The following MAP3K12 variants were observed in gnomAD, a reference collection of about 807,000 sequenced individuals.
The protein encoded by MAP3K12 is MAPK-upstream kinase.
In MAP3K12, 14 loss-of-function variants were observed where a neutral mutation model predicts 87.5. That is an observed-to-expected ratio of 0.16 (90% confidence interval 0.11 to 0.25). The LOEUF (loss-of-function observed/expected upper bound fraction) is 0.25, where lower values mean the gene tolerates loss of function less well. MAP3K12 is among the 10% of genes least tolerant of loss of function. The pLI is 1.00. For missense variants in MAP3K12, 802 were observed against 1,140.4 expected (o/e 0.70, Z 4.27); for synonymous variants, 469 against 452.5 (o/e 1.04, Z -0.46).
chr12:53,498,978 GT>G (rs1943610172), intron 1 of MAP3K12, among the ~76,000 whole-genome samples: 2 of 34,156 alleles, frequency 5.9e-5, no homozygotes, highest in African/African-American at 1.8e-4. Context: ...GTGTGTGTGT[GT>G]GTGTGTGTGT....
At chr12:53,492,088 AAAAGAAG>A (rs1943426363) in intron 1 of MAP3K12, among the ~76,000 whole-genome samples, 3 of 151,478 alleles carry the variant, frequency 2.0e-5, no homozygotes, top group South Asian at 2.1e-4. Context: ...AAAAAAAAAA[AAAAGAAG>A]AAGAAGAAAA....
chr12:53,499,935 G>C (rs1943646263), upstream of MAP3K12: 1 of 152,280 alleles, frequency 6.6e-6, no homozygotes, highest in African/African-American at 2.4e-5. Context: ...CCTCAGTTGG[G>C]ATCCCTAGCG....
intron 1 of MAP3K12, among the ~76,000 whole-genome samples, chr12:53,495,339 C>CAAAAAAAAAAA (rs10647631): frequency 5.2e-5 from 1 of 19,378 alleles, no homozygotes; most frequent in South Asian, 5.2e-3. Context: ...ACTCTGTCTC[C>CAAAAAAAAAAA]AAAAAAAAAA....
chr12:53,489,738 G>A (rs1218891514), intron 1 of MAP3K12, among the ~76,000 whole-genome samples: 1 of 152,126 alleles, frequency 6.6e-6, no homozygotes, highest in Non-Finnish European at 1.5e-5. Context: ...AAGGAGGCTT[G>A]GGAAACTCTG....
At chr12:53,488,593 T>G (rs1387357503) in intron 1 of MAP3K12, among the ~76,000 whole-genome samples, 1 of 151,582 alleles carries the variant, frequency 6.6e-6, no homozygotes, top group Non-Finnish European at 1.5e-5. Context: ...CCCGGGAGGC[T>G]GAGGTTTTGG....
upstream of MAP3K12, chr12:53,500,481 G>A (rs1445449931): frequency 1.3e-5 from 2 of 152,272 alleles, no homozygotes; most frequent in African/African-American, 2.4e-5. Flanking sequence ...GCCAGTTAAA[G>A]AGAGGTTCAC....
In MAP3K12 at chr12:53,479,671, G is replaced by GTTTTTTTTTTTTTGGT. The variant is rs879244280; in HGVS notation, c.*1510_*1511insACCAAAAAAAAAAAAA. ...ATTTAGTTTTATAAGCTTCTCCCTG[G>GTTTTTTTTTTTTTGGT]TTTTTTTTTTTTGGCTCATGAATTT... On this transcript the variant is annotated 3_prime_UTR_variant, in exon 14 of 14. Transcript: ENST00000547488. The GTTTTTTTTTTTTTGGT allele has an allele frequency of 6.3e-5, 13 of 206,800 alleles. No homozygotes were observed. Among genetic ancestry groups the GTTTTTTTTTTTTTGGT allele is most frequent in the African/African-American group, 2.7e-4 (10 of 37,728 alleles). 12.8% of individuals were successfully genotyped at this position (206,800 alleles called of 1,614,324 possible).
rs1303048769 is a variant in MAP3K12 at position 53,487,200 on chromosome 12, G to A, written c.192C>T (p.Ser64=). The stretch of plus-strand genomic sequence containing the variant: ...GGGGCGGCTCTCCACCTGGGGAGGG[G>A]CTGGGCCCTCCCCCACCCTGCCCAC... ...PLGGQGGGGP[S]PSPGGEPPPE... The change falls in exon 2 of 14, where the codon AGC becomes AGT. Residue 64 remains serine (S), a synonymous_variant. Coordinates refer to ENST00000547488, the MANE Select transcript of MAP3K12 (RefSeq NM_001193511.2). The A allele has an allele frequency of 1.2e-6, 2 of 1,613,662 alleles. No individual in the cohort carries two copies. The highest frequency in any genetic ancestry group is 1.7e-6 in the Non-Finnish European group (2 of 1,179,746).
At position 53,486,554 on chromosome 12, in the gene MAP3K12, C is replaced by T; in HGVS notation, c.514G>A (p.Val172Ile). 6.2e-7 allele frequency: 1 copy of T among 1,614,116 alleles called. No individual in the cohort carries two copies. Among genetic ancestry groups the T allele is most frequent in the Non-Finnish European group, 8.5e-7 (1 of 1,179,994 alleles). ...TCCCCGTGGAAGCGCCCCAGGAAGACAGCACCCTGGGCCCCTGAGCCCACC... is the reference window on the plus strand; with the variant it reads ...TCCCCGTGGAAGCGCCCCAGGAAGATAGCACCCTGGGCCCCTGAGCCCACC... Reference protein sequence around the residue: ...QWVGSGAQGAVFLGRFHGEEV... With the variant: ...QWVGSGAQGAIFLGRFHGEEV... Residue 172 changes from valine to isoleucine, a missense_variant, in exon 3 of 14, where the codon GTC (valine) becomes ATC (isoleucine). This residue lies in a region of MAP3K12 where 57 missense variants were observed against 161.8 expected (regional missense o/e 0.35). Coordinates refer to ENST00000547488, the MANE Select transcript of MAP3K12 (RefSeq NM_001193511.2). The surrounding 1 kb of genome is among the most constrained non-coding windows in gnomAD (Gnocchi z 4.9).
chr12:53,483,306 GTATCCCTCT>G (rs1226375377), intron 10 of MAP3K12, 34 bp downstream of exon 10: 1 of 1,603,322 alleles, frequency 6.2e-7, no homozygotes, highest in African/African-American at 1.3e-5. Flanking sequence ...TGCCACTTCA[GTATCCCTCT>G]TGCCATATTG....
At chr12:53,483,848 G>C (rs1943150996) in intron 8 of MAP3K12, 63 bp downstream of exon 8, 1 of 1,609,840 alleles carries the variant, frequency 6.2e-7, no homozygotes, top group Non-Finnish European at 8.5e-7. Context: ...GGCTGGGTAG[G>C]AGCTGACTGG....
chr12:53,486,578 C>A lies in MAP3K12; in HGVS notation c.490G>T (p.Val164Leu). The A allele has an allele frequency of 6.2e-7, 1 of 1,613,058 alleles. No individual in the cohort carries two copies. The highest frequency in any genetic ancestry group is 8.5e-7 in the Non-Finnish European group (1 of 1,179,594). The change falls in exon 3 of 14, where the codon GTG (valine) becomes TTG (leucine). Residue 164 changes from valine (V) to leucine (L), a missense_variant. Coordinates refer to ENST00000547488, the MANE Select transcript of MAP3K12 (RefSeq NM_001193511.2). This position sits in a 1 kb window ranked among gnomAD's most constrained non-coding sequence, Gnocchi z 4.9. ...PFEEILDLQW[V>L]GSGAQGAVFL... ...ACAGCACCCTGGGCCCCTGAGCCCA[C>A]CCACTGCAGGTCCAGGATTTCCTCA...
At position 53,487,254 on chromosome 12, in the gene MAP3K12, C is replaced by T. The variant is rs1163414937; in HGVS notation, c.138G>A (p.Gln46=). The part of the protein sequence containing the change: ...CTPEKDLTPT[Q]CVLRDVVPLG... ...GGGGTACCACATCTCGAAGTACACACTGGGTAGGCGTCAGGTCCTTCTCGG... is the reference window on the plus strand; with the variant it reads ...GGGGTACCACATCTCGAAGTACACATTGGGTAGGCGTCAGGTCCTTCTCGG... The change falls in exon 2 of 14, where the codon CAG becomes CAA. Residue 46 remains glutamine, a synonymous_variant. Transcript: ENST00000547488. 2.5e-6 allele frequency: 4 copies of T among 1,613,958 alleles called. No individual in the cohort carries two copies. The highest frequency in any genetic ancestry group is 3.3e-5 in the Admixed American group (2 of 59,992).
At chr12:53,498,812 G>C (rs964590885) in intron 1 of MAP3K12, among the ~76,000 whole-genome samples, 1 of 151,918 alleles carries the variant, frequency 6.6e-6, no homozygotes, top group Non-Finnish European at 1.5e-5. Flanking sequence ...GCCACAGCTG[G>C]AGGGGATTAG....
chr12:53,484,419 A>G (rs1020938843), intron 6 of MAP3K12, 54 bp from the exon 7 acceptor site: 129 of 1,306,156 alleles, frequency 9.9e-5, no homozygotes, highest in Non-Finnish European at 1.4e-4. Context: ...AGGATCAGAT[A>G]GGAACTGGAG....
chr12:53,486,784 G>C lies in MAP3K12; in HGVS notation c.446-162C>G, dbSNP rs1943238650. The C allele has an allele frequency of 2.0e-6, 3 of 1,471,116 alleles. No homozygotes were observed. The Admixed American group carries it at 7.9e-5, about 39-fold the overall frequency. The allele number at this position is 1,471,116 out of a possible 1,614,324, so 91.1% of individuals were successfully genotyped here. On this transcript the variant is annotated intron_variant, in intron 2 of 13. Transcript: ENST00000547488. The surrounding 1 kb of genome is among the most constrained non-coding windows in gnomAD (Gnocchi z 4.9). Reference sequence around the variant, plus strand: ...GAGGGGACAGGGAAGGAATGAATGGGTGGCCTTAAAAGAAGCTGGGAAGTT... The same window carrying C: ...GAGGGGACAGGGAAGGAATGAATGGCTGGCCTTAAAAGAAGCTGGGAAGTT...
chr12:53,487,596 T>C lies in MAP3K12; in HGVS notation c.-37-168A>G, dbSNP rs184607406. 2.7e-3 allele frequency: 1,637 copies of C among 605,572 alleles called. 9 individuals are homozygous for C. The highest frequency in any genetic ancestry group is 3.9e-3 in the Non-Finnish European group (1,371 of 355,592). The allele number at this position is 605,572 out of a possible 1,614,324, so 37.5% of individuals were successfully genotyped here. A position where few individuals can be genotyped will look rare whatever the true frequency, so the allele number is the denominator to read the frequency against. ...GCCCTCCAAATTGCACCTTGAGCCATCTTAGGAAATCTGATACACTTGGGC... is the reference window on the plus strand; with the variant it reads ...GCCCTCCAAATTGCACCTTGAGCCACCTTAGGAAATCTGATACACTTGGGC... On this transcript the variant is annotated intron_variant, in intron 1 of 13. Transcript: ENST00000547488.
chr12:53,490,160 C>T (rs759877924), intron 1 of MAP3K12, among the ~76,000 whole-genome samples: 19 of 151,934 alleles, frequency 1.3e-4, no homozygotes, highest in Admixed American at 9.9e-4. Context: ...CAAAATTAGC[C>T]GGCCGTGGTG....
At chr12:53,501,159 C>T (rs1031274316), upstream of MAP3K12, 29 of 553,792 alleles carry the variant, frequency 5.2e-5, no homozygotes, top group Non-Finnish European at 8.4e-5. Context: ...GGCGGAGGGC[C>T]CGCTCCTCCC....
Sources: gnomAD v4.1 joint callset for allele counts (sites outside exome capture counted in the v4.1 genomes callset) on GRCh38, gnomAD v4.1.1 for gene constraint, gnomAD v4.1.1 regional missense constraint, Gnocchi (gnomAD v3.1) non-coding constraint, MANE v1.5 for transcripts, NCBI Gene and HGNC (gene_info 2026-07-23, HGNC 2026-07-21) for gene names.